ALG12: variants seen among roughly 807,000 people sequenced by gnomAD.
The protein encoded by ALG12 is dol-P-Man:Man(7)GlcNAc(2)-PP-Dol alpha-1,6-mannosyltransferase.
Under a neutral mutation model 46.0 loss-of-function variants are expected in ALG12, and 36 were observed. The ratio of observed to expected loss-of-function variants is 0.78; its 90% CI spans 0.60 to 1.03. The LOEUF is 1.03. Among genes scored for constraint, ALG12 ranks in the 50% least tolerant of loss-of-function variants. The probability of loss-of-function intolerance (pLI) is 0.00; values close to 1 mark genes in which losing one functional copy is unlikely to be tolerated. For synonymous variants in ALG12, 326 were observed against 291.6 expected, an observed-to-expected ratio of 1.12 and a Z score of -1.20; for missense variants, 599 against 633.5, an observed-to-expected ratio of 0.95 and a Z score of 0.58.
the ALG12 span, chr22:49,888,148 G>A: frequency 6.0e-6 from 1 of 167,174 alleles, no homozygotes; most frequent in African/African-American, 2.4e-5. Context: ...TTATGATAGG[G>A]AAGATGCGGC....
At chr22:49,860,165 G>A in the ALG12 span, among the ~76,000 whole-genome samples, 1 of 152,170 alleles carries the variant, frequency 6.6e-6, no homozygotes, top group African/African-American at 2.4e-5. Context: ...CGGGCATGAT[G>A]GTATGTGCCT....
chr22:49,898,640 C>T (rs1292640197), downstream of ALG12, among the ~76,000 whole-genome samples: 6 of 152,074 alleles, frequency 3.9e-5, no homozygotes, highest in African/African-American at 7.3e-5. Context: ...TCCACTGCCT[C>T]GGCCTCCCCA....
chr22:49,879,973 G>T, the ALG12 span, among the ~76,000 whole-genome samples: 8,345 of 150,472 alleles, frequency 0.055, 643 homozygotes, highest in African/African-American at 0.17. Context: ...GTCAGAGGTG[G>T]TTTTCTCCCG....
the ALG12 span, chr22:49,885,005 A>T: frequency 6.2e-7 from 1 of 1,613,364 alleles, no homozygotes; most frequent in African/African-American, 1.3e-5. Context: ...GCCATCTTCC[A>T]GCAGAATAAA....
the ALG12 span, chr22:49,886,334 A>G: frequency 3.2e-5 from 51 of 1,600,890 alleles, no homozygotes; most frequent in South Asian, 4.8e-4. This position sits in a 1 kb window ranked among gnomAD's most constrained non-coding sequence, Gnocchi z 7.7. Context: ...GTCCCGTCCA[A>G]GTGGAGCACT....
At chr22:49,862,134 G>A in the ALG12 span, among the ~76,000 whole-genome samples, 1 of 152,228 alleles carries the variant, frequency 6.6e-6, no homozygotes, top group East Asian at 1.9e-4. Context: ...ATTGGATGTA[G>A]CACGGAGCAG....
chr22:49,897,668 T>TG (rs1380556409), downstream of ALG12, among the ~76,000 whole-genome samples: 1 of 130,976 alleles, frequency 7.6e-6, no homozygotes, highest in Admixed American at 7.1e-5. Flanking sequence ...GTTTTCTTTT[T>TG]TTTTTTTTTT....
chr22:49,889,770 T>C, the ALG12 span: 1 of 167,176 alleles, frequency 6.0e-6, no homozygotes, highest in African/African-American at 2.4e-5. Context: ...CACACGACTC[T>C]CACTACTTGA....
At chr22:49,897,030 G>A (rs8138941), downstream of ALG12, among the ~76,000 whole-genome samples, 54,283 of 151,100 alleles carry the variant, frequency 0.36, 13,874 homozygotes, top group African/African-American at 0.73. Flanking sequence ...CTCCCTGCCA[G>A]CCCCGGTCTT....
the ALG12 span, among the ~76,000 whole-genome samples, chr22:49,861,771 T>TGAA: frequency 6.6e-6 from 1 of 152,210 alleles, no homozygotes; most frequent in Non-Finnish European, 1.5e-5. Context: ...AGCACATGTA[T>TGAA]GAATGTGTGG....
chr22:49,872,743 C>T, the ALG12 span, among the ~76,000 whole-genome samples: 11 of 151,420 alleles, frequency 7.3e-5, no homozygotes, highest in Non-Finnish European at 1.2e-4. Context: ...CTCACTCCAT[C>T]GCCCAGGCTG....
chr22:49,866,844 C>T, the ALG12 span, among the ~76,000 whole-genome samples: 2 of 152,322 alleles, frequency 1.3e-5, no homozygotes, highest in East Asian at 3.9e-4. Context: ...TGAGATGGGT[C>T]TCACTGGGCT....
chr22:49,903,986 A>C lies in ALG12; in HGVS notation c.1319T>G (p.Leu440Arg). ...THILMEAAPGLLALYRDTHRV... is the reference protein window; with the variant it reads ...THILMEAAPGRLALYRDTHRV... Reference sequence around the variant, plus strand: ...GTGTGTGTCCCTGTAGAGGGCCAGGAGCCCAGGGGCCGCCTCCATGAGGAT... The same window carrying C: ...GTGTGTGTCCCTGTAGAGGGCCAGGCGCCCAGGGGCCGCCTCCATGAGGAT... The change falls in exon 10 of 10, where the codon CTC becomes CGC. Residue 440 changes from leucine to arginine, a missense_variant. Physicochemically the swap from Leu to Arg is moderately radical, Grantham distance 102. Coordinates refer to ENST00000330817, the MANE Select transcript of ALG12 (RefSeq NM_024105.4). 6.2e-7 allele frequency: 1 copy of C among 1,614,194 alleles called. No homozygotes were observed. Among genetic ancestry groups the C allele is most frequent in the African/African-American group, 1.3e-5 (1 of 75,050 alleles).
rs2060595763 is a variant in ALG12, at chr22:49,913,863, T to C, written c.-78-20A>G. On this transcript the variant is annotated intron_variant, in intron 1 of 9. Transcript: ENST00000330817. Reference sequence around the variant, plus strand: ...CGCATGCTGGAAAAGTGGAAACAGATTCCTGAGGTTCGAAAGTCACGCTTG... The same window carrying C: ...CGCATGCTGGAAAAGTGGAAACAGACTCCTGAGGTTCGAAAGTCACGCTTG... The C allele has an allele frequency of 6.5e-7, 1 of 1,534,944 alleles. No homozygotes were observed. Among genetic ancestry groups the C allele is most frequent in the Non-Finnish European group, 8.9e-7 (1 of 1,120,778 alleles).
chr22:49,867,840 C>G, the ALG12 span, among the ~76,000 whole-genome samples: 1 of 152,196 alleles, frequency 6.6e-6, no homozygotes, highest in East Asian at 1.9e-4. Flanking sequence ...ATGTGCCGAG[C>G]ATCATAGCTT....
In ALG12 at chr22:49,916,882, C is replaced by G. The variant is rs538948711; in HGVS notation, c.-79+1381G>C. On this transcript the variant is annotated intron_variant, in intron 1 of 9. Transcript: ENST00000330817. Reference sequence around the variant, plus strand: ...GCTGCTTGGCAGTCCCCCACAACCCCACTCCACACCTCTCCACCCAGGGGA... The same window carrying G: ...GCTGCTTGGCAGTCCCCCACAACCCGACTCCACACCTCTCCACCCAGGGGA... Among the ~76,000 whole-genome samples, 233 of 152,364 alleles carry G rather than the reference C, an allele frequency of 1.5e-3. 4 individuals carry two copies. The highest frequency in any genetic ancestry group is 4.1e-4 in the South Asian group (2 of 4,830).
Position 49,903,748 on chromosome 22 carries a change from T to G in ALG12, c.*90A>C. On this transcript the variant is annotated 3_prime_UTR_variant, in exon 10 of 10. Transcript: ENST00000330817. Reference sequence around the variant, plus strand: ...CAGTCCTTTGACTTGCTTCTCTGAATTGTCATAATTGTGCTGGAATTGTGC... The same window carrying G: ...CAGTCCTTTGACTTGCTTCTCTGAAGTGTCATAATTGTGCTGGAATTGTGC... The G allele has an allele frequency of 4.8e-6, 7 of 1,452,986 alleles. No homozygotes were observed. Among genetic ancestry groups the G allele is most frequent in the Non-Finnish European group, 6.7e-6 (7 of 1,040,288 alleles). 90.0% of individuals were successfully genotyped at this position (1,452,986 alleles called of 1,614,324 possible). A position where few individuals can be genotyped will look rare whatever the true frequency, so the allele number is the denominator to read the frequency against.
intron 1 of ALG12, among the ~76,000 whole-genome samples, chr22:49,915,544 G>A (rs997250410): frequency 1.2e-4 from 18 of 152,244 alleles, no homozygotes; most frequent in Middle Eastern, 6.8e-3. Flanking sequence ...GCCACAGAGC[G>A]TGACTCCGTC....
At chr22:49,885,308 A>G in the ALG12 span, 3 of 1,593,572 alleles carry the variant, frequency 1.9e-6, no homozygotes, top group East Asian at 6.7e-5. Flanking sequence ...ACAAAAAACA[A>G]TCAAGTTATG....
Sources: gnomAD v4.1 joint callset for allele counts (sites outside exome capture counted in the v4.1 genomes callset) on GRCh38, gnomAD v4.1.1 for gene constraint, Gnocchi (gnomAD v3.1) non-coding constraint, MANE v1.5 for transcripts, NCBI Gene and HGNC (gene_info 2026-07-23, HGNC 2026-07-21) for gene names.